AKR1B15: variants seen among roughly 807,000 people sequenced by gnomAD.
AKR1B15 encodes the protein aldo-keto reductase family 1 member B15, also known as estradiol 17-beta-dehydrogenase AKR1B15.
A neutral mutation model predicts 38.5 loss-of-function variants in AKR1B15; 49 were observed. That is an observed-to-expected ratio of 1.27 (90% CI 1.01 to 1.62). The LOEUF is 1.62. Ranked by LOEUF, AKR1B15 falls within the 40% of genes most tolerant of loss-of-function variation. The pLI, the probability that AKR1B15 is intolerant of heterozygous loss-of-function variation, is 0.00. For synonymous variants in AKR1B15, 137 were observed against 135.5 expected (o/e 1.01, Z -0.08); for missense variants, 411 against 381.6 (o/e 1.08, Z -0.64).
chr7:134,565,788 G>C (rs1408627004), intron 3 of AKR1B15, among the ~76,000 whole-genome samples: 1 of 152,252 alleles, frequency 6.6e-6, no homozygotes, highest in East Asian at 1.9e-4. Context: ...TTCAAGCAGA[G>C]TTGGACTTAA....
intron 11 of AKR1B15, among the ~76,000 whole-genome samples, chr7:134,578,292 A>G (rs752778410): frequency 8.5e-5 from 13 of 152,310 alleles, no homozygotes; most frequent in South Asian, 4.1e-4. Context: ...GATCCTTTAT[A>G]CGGGTTGGGT....
intron 1 of AKR1B15, among the ~76,000 whole-genome samples, chr7:134,551,643 G>A (rs189673096): frequency 2.6e-5 from 4 of 152,258 alleles, no homozygotes; most frequent in African/African-American, 9.6e-5. Context: ...TGCAGACAAA[G>A]CATCAAAAAG....
Position 134,556,719 on chromosome 7 carries a change from CCT to C in AKR1B15, c.-146-16_-146-15del. 1 of 152,260 alleles carries C rather than the reference CCT, an allele frequency of 6.6e-6. No homozygotes were observed. Among genetic ancestry groups the C allele is most frequent in the South Asian group, 2.1e-4 (1 of 4,822 alleles). The allele number at this position is 152,260 out of a possible 1,614,324, so 9.4% of individuals were successfully genotyped here. A position where few individuals can be genotyped will look rare whatever the true frequency, so the allele number is the denominator to read the frequency against. On this transcript the variant is annotated splice_polypyrimidine_tract_variant and intron_variant, in intron 1 of 11. Transcript: ENST00000457545. ...AGAAGGACAACTTCTCATTGCTCCC[CCT>C]GAATTGCATTTCAGGTTTCACCGAG...
intron 6 of AKR1B15, among the ~76,000 whole-genome samples, chr7:134,572,090 C>T (rs549913872): frequency 1.3e-5 from 2 of 152,268 alleles, no homozygotes; most frequent in South Asian, 4.1e-4. Context: ...TAATATATAT[C>T]TTTCGGGGTG....
chr7:134,565,428 C>G, intron 3 of AKR1B15: 1 of 1,611,496 alleles, frequency 6.2e-7, no homozygotes, highest in East Asian at 2.2e-5. Flanking sequence ...ACTCTGGACA[C>G]AGCAGGACGT....
intron 1 of AKR1B15, among the ~76,000 whole-genome samples, chr7:134,553,296 G>T (rs1241281477): frequency 2.0e-5 from 3 of 152,166 alleles, no homozygotes; most frequent in Admixed American, 6.5e-5. Flanking sequence ...TGACAAAGAA[G>T]AACAGGCTTT....
intron 6 of AKR1B15, among the ~76,000 whole-genome samples, chr7:134,572,084 A>G (rs1239114213): frequency 1.3e-5 from 2 of 152,156 alleles, no homozygotes; most frequent in Admixed American, 6.5e-5. Context: ...TACTACTAAT[A>G]TATATCTTTC....
Position 134,579,560 on chromosome 7 carries a change from C to T in AKR1B15, c.*11C>T, listed in dbSNP as rs557648418. 1.9e-6 allele frequency: 3 copies of T among 1,594,682 alleles called. No individual in the cohort carries two copies. Among genetic ancestry groups the T allele is most frequent in the East Asian group, 4.5e-5 (2 of 44,580 alleles). On this transcript the variant is annotated 3_prime_UTR_variant, in exon 12 of 12. Transcript: ENST00000457545. The stretch of plus-strand genomic sequence containing the variant: ...GATGCAGAATATTGAGGTTGAATCT[C>T]CTGGTGAGATTACACAGGGGATTCT...
intron 1 of AKR1B15, among the ~76,000 whole-genome samples, chr7:134,549,820 T>C (rs184351327): frequency 1.6e-4 from 25 of 152,320 alleles, no homozygotes; most frequent in African/African-American, 5.5e-4. Context: ...CTAAATTTCA[T>C]ATGTCGGATC....
Position 134,576,539 on chromosome 7 carries a change from C to A in AKR1B15, c.825+109C>A, listed in dbSNP as rs917618892. The A allele has an allele frequency of 3.0e-5, 39 of 1,288,432 alleles. No individual in the cohort carries two copies. The African/African-American group carries it at 5.8e-4, about 19-fold the overall frequency. 79.8% of individuals were successfully genotyped at this position (1,288,432 alleles called of 1,614,324 possible). A position where few individuals can be genotyped will look rare whatever the true frequency, so the allele number is the denominator to read the frequency against. Reference sequence around the variant, plus strand: ...TCCTTAAAGGGGAAGAACACAGGAGCTGAAGCCCTCTAAAGTATTTCCTTT... The same window carrying A: ...TCCTTAAAGGGGAAGAACACAGGAGATGAAGCCCTCTAAAGTATTTCCTTT... On this transcript the variant is annotated intron_variant, in intron 9 of 11. Transcript: ENST00000457545.
At chr7:134,570,688 G>A (rs1246587073) in intron 5 of AKR1B15, among the ~76,000 whole-genome samples, 1 of 152,326 alleles carries the variant, frequency 6.6e-6, no homozygotes, top group African/African-American at 2.4e-5. Context: ...CACCAGGGCT[G>A]CAGAGTGGTG....
intron 1 of AKR1B15, among the ~76,000 whole-genome samples, chr7:134,555,848 G>A (rs1174367202): frequency 1.3e-5 from 2 of 152,050 alleles, no homozygotes; most frequent in African/African-American, 2.4e-5. Flanking sequence ...CCTGGAAATC[G>A]CCCTGACTCT....
chr7:134,569,279 G>T, intron 4 of AKR1B15, 134 bp from the exon 5 acceptor site: 1 of 996,192 alleles, frequency 1.0e-6, no homozygotes. Context: ...ACTGCATCGT[G>T]GATCTTAATC....
chr7:134,550,797 C>T (rs896930158), intron 1 of AKR1B15, among the ~76,000 whole-genome samples: 3 of 152,154 alleles, frequency 2.0e-5, no homozygotes, highest in African/African-American at 7.2e-5. Context: ...CAGATGATTA[C>T]GGGGTCCGCC....
At chr7:134,556,947 C>T (rs1231270394) in intron 2 of AKR1B15, 88 bp downstream of exon 2, 1 of 152,152 alleles carries the variant, frequency 6.6e-6, no homozygotes, top group African/African-American at 2.4e-5. Context: ...TCTTCAAAAC[C>T]GCCGAGGCTT....
chr7:134,578,916 A>G (rs928300486), intron 11 of AKR1B15, among the ~76,000 whole-genome samples: 1 of 152,248 alleles, frequency 6.6e-6, no homozygotes, highest in African/African-American at 2.4e-5. Flanking sequence ...TCCTATGAGC[A>G]TCATTTCTGG....
chr7:134,568,825 G>A (rs1439109662), intron 4 of AKR1B15, among the ~76,000 whole-genome samples: 1 of 151,664 alleles, frequency 6.6e-6, no homozygotes, highest in African/African-American at 2.4e-5. Flanking sequence ...GGGTGTGAGG[G>A]TGTTGAGAAT....
chr7:134,557,979 A>G (rs1174270731), intron 2 of AKR1B15, among the ~76,000 whole-genome samples: 1 of 152,140 alleles, frequency 6.6e-6, no homozygotes, highest in East Asian at 1.9e-4. Flanking sequence ...CCATTGAACA[A>G]AAGACGTTGA....
intron 2 of AKR1B15, among the ~76,000 whole-genome samples, chr7:134,562,897 TCTTC>T (rs1562947158): frequency 2.8e-5 from 4 of 144,408 alleles, no homozygotes; most frequent in African/African-American, 7.9e-5. Flanking sequence ...TTTCCTTCTT[TCTTC>T]CTTCCTTCTT....
Sources: gnomAD v4.1 joint callset for allele counts (sites outside exome capture counted in the v4.1 genomes callset) on GRCh38, gnomAD v4.1.1 for gene constraint, MANE v1.5 for transcripts, NCBI Gene and HGNC (gene_info 2026-07-23, HGNC 2026-07-21) for gene names.